ARHGAP8: variants seen among roughly 807,000 people sequenced by gnomAD.
ARHGAP8 encodes the protein rho GTPase-activating protein 8.
A neutral mutation model predicts 46.1 loss-of-function variants in ARHGAP8; 62 were observed. The ratio of observed to expected loss-of-function variants is 1.34; its 90% CI spans 1.10 to 1.66. The LOEUF is 1.66. Among genes scored for constraint, ARHGAP8 ranks in the 40% most tolerant of loss-of-function variants. ARHGAP8 has a pLI of 0.00. For missense variants in ARHGAP8, 923 were observed against 568.4 expected (o/e 1.62, Z -6.34); for synonymous variants, 375 against 243.1 (o/e 1.54, Z -5.05).
At chr22:44,767,952 T>C (rs1162981359) in intron 1 of ARHGAP8, among the ~76,000 whole-genome samples, 2 of 144,926 alleles carry the variant, frequency 1.4e-5, no homozygotes, top group Non-Finnish European at 3.0e-5. Context: ...ATGTCTCTCC[T>C]AGATTTGTCA....
chr22:44,805,791 G>A (rs777749800), intron 3 of ARHGAP8, among the ~76,000 whole-genome samples: 8 of 152,202 alleles, frequency 5.3e-5, no homozygotes, highest in East Asian at 1.9e-4. Flanking sequence ...TTAACACCCC[G>A]TACATTATCC....
rs796100437 is a variant in ARHGAP8, at chr22:44,838,140, A to T, written c.597-7129A>T. Among the ~76,000 whole-genome samples the T allele has an allele frequency of 6.8e-3, 979 of 143,452 alleles. 8 individuals are homozygous for T. The highest frequency in any genetic ancestry group is 0.024 in the African/African-American group (935 of 38,644). 94.1% of individuals were successfully genotyped at this position (143,452 alleles called of 152,430 possible). On this transcript the variant is annotated intron_variant, in intron 7 of 11. Transcript: ENST00000356099. ...AGGAGTGCGCCACCATGCCTGGCTA[A>T]TTTTTTTTTTTTTTGAAGACGGAGT...
chr22:44,858,888 C>T (rs187723466), intron 10 of ARHGAP8, among the ~76,000 whole-genome samples: 1 of 151,616 alleles, frequency 6.6e-6, no homozygotes, highest in Admixed American at 6.6e-5. Flanking sequence ...CTGTAAAAGG[C>T]CAGATAGTAA....
At chr22:44,803,464 T>C (rs1473094398) in intron 3 of ARHGAP8, among the ~76,000 whole-genome samples, 10 of 151,860 alleles carry the variant, frequency 6.6e-5, no homozygotes, top group Admixed American at 6.6e-4. Flanking sequence ...GTGTGGCCTC[T>C]CCCTGTACAT....
intron 2 of ARHGAP8, among the ~76,000 whole-genome samples, chr22:44,788,100 A>G (rs933104849): frequency 1.0e-4 from 5 of 49,474 alleles, no homozygotes; most frequent in Non-Finnish European, 2.1e-4. Context: ...ATTATATGTT[A>G]TTATTATTAT....
chr22:44,806,507 A>T (rs1379331998), intron 3 of ARHGAP8, among the ~76,000 whole-genome samples: 2 of 152,104 alleles, frequency 1.3e-5, no homozygotes, highest in Non-Finnish European at 2.9e-5. Context: ...TCTGCCCCTT[A>T]CTGATTCACC....
At chr22:44,838,613 G>T (rs1262115909) in intron 7 of ARHGAP8, among the ~76,000 whole-genome samples, 1 of 152,178 alleles carries the variant, frequency 6.6e-6, no homozygotes, top group African/African-American at 2.4e-5. Flanking sequence ...AGACAAAGCA[G>T]TAGGCAAAGG....
At chr22:44,814,213 G>A (rs1402083185) in intron 4 of ARHGAP8, among the ~76,000 whole-genome samples, 1 of 152,202 alleles carries the variant, frequency 6.6e-6, no homozygotes, top group Non-Finnish European at 1.5e-5. Flanking sequence ...GCATTGAACC[G>A]GCCTCTGGCC....
At chr22:44,834,157 G>A (rs979696272) in intron 7 of ARHGAP8, among the ~76,000 whole-genome samples, 1 of 151,836 alleles carries the variant, frequency 6.6e-6, no homozygotes, top group Admixed American at 6.6e-5. Context: ...TTCTACTCCA[G>A]TCTTTATTAT....
chr22:44,847,951 C>T, intron 8 of ARHGAP8, 22 bp from the exon 9 acceptor site: 1 of 1,605,458 alleles, frequency 6.2e-7, no homozygotes, highest in Non-Finnish European at 8.5e-7. Flanking sequence ...CTGTGAGATG[C>T]CTGGAAGCTC....
intron 3 of ARHGAP8, among the ~76,000 whole-genome samples, chr22:44,805,315 G>A (rs1928851622): frequency 6.6e-6 from 1 of 152,252 alleles, no homozygotes; most frequent in Non-Finnish European, 1.5e-5. Flanking sequence ...GTGATGGGGA[G>A]AATGACTGTT....
chr22:44,808,164 C>A (rs891298381), intron 3 of ARHGAP8, 143 bp from the exon 4 acceptor site: 11 of 1,283,764 alleles, frequency 8.6e-6, no homozygotes, highest in Non-Finnish European at 9.4e-6. Flanking sequence ...AAATGAGGAC[C>A]GGGGCCCACG....
At chr22:44,766,414 G>A (rs575506645) in intron 1 of ARHGAP8, among the ~76,000 whole-genome samples, 1 of 152,172 alleles carries the variant, frequency 6.6e-6, no homozygotes, top group South Asian at 2.1e-4. Flanking sequence ...GTGTGTGTGT[G>A]CATGTCTGTG....
At chr22:44,755,279 C>A (rs567632678) in intron 1 of ARHGAP8, among the ~76,000 whole-genome samples, 23 of 152,348 alleles carry the variant, frequency 1.5e-4, no homozygotes, top group African/African-American at 5.3e-4. Context: ...TGAGCCACCT[C>A]CCTGGGCACT....
chr22:44,854,170 A>C (rs1196411950), intron 10 of ARHGAP8, among the ~76,000 whole-genome samples: 4 of 149,604 alleles, frequency 2.7e-5, no homozygotes, highest in Non-Finnish European at 5.9e-5. Flanking sequence ...GGCCTTGCTT[A>C]CTCACTGTAA....
chr22:44,756,187 C>G (rs910304043), intron 1 of ARHGAP8, among the ~76,000 whole-genome samples: 3 of 152,126 alleles, frequency 2.0e-5, no homozygotes, highest in Admixed American at 1.3e-4. Context: ...TTGGGCAGGT[C>G]TGAATTCCTG....
At chr22:44,829,465 C>T (rs112461269) in intron 7 of ARHGAP8, among the ~76,000 whole-genome samples, 1 of 152,156 alleles carries the variant, frequency 6.6e-6, no homozygotes. Flanking sequence ...CCTTTCAGAA[C>T]GTACTGATGC....
At chr22:44,794,735 A>G (rs1278133189) in intron 2 of ARHGAP8, among the ~76,000 whole-genome samples, 2 of 151,544 alleles carry the variant, frequency 1.3e-5, no homozygotes, top group Non-Finnish European at 2.9e-5. Flanking sequence ...ATAATAATAT[A>G]CTTTATTATG....
intron 10 of ARHGAP8, 112 bp downstream of exon 10, chr22:44,849,172 C>T (rs758603535): frequency 1.2e-5 from 18 of 1,547,346 alleles, no homozygotes; most frequent in Middle Eastern, 2.0e-4. Flanking sequence ...TACCCACCCT[C>T]CTCCTGTTGC....
Sources: gnomAD v4.1 joint callset for allele counts (sites outside exome capture counted in the v4.1 genomes callset) on GRCh38, gnomAD v4.1.1 for gene constraint, MANE v1.5 for transcripts, NCBI Gene and HGNC (gene_info 2026-07-23, HGNC 2026-07-21) for gene names.